Variants in ADGRD1 observed in about 807,000 individuals in gnomAD.
The protein encoded by ADGRD1 is G-protein coupled receptor 133.
A neutral mutation model predicts 113.4 loss-of-function variants in ADGRD1; 77 were observed. The ratio of observed to expected loss-of-function variants is 0.68; its 90% confidence interval spans 0.57 to 0.82. The LOEUF is 0.82. Ranked by LOEUF, ADGRD1 falls within the 40% of genes least tolerant of loss-of-function variation. The pLI, the probability that ADGRD1 is intolerant of heterozygous loss-of-function variation, is 0.00. For synonymous variants in ADGRD1, 474 were observed against 475.0 expected (o/e 1.00, Z 0.03); for missense variants, 1,036 against 1,139.1 (o/e 0.91, Z 1.30).
intron 9 of ADGRD1, chr12:131,002,682 G>C: frequency 8.5e-7 from 1 of 1,176,184 alleles, no homozygotes; most frequent in Non-Finnish European, 1.1e-6. Context: ...TGGAGTAGAA[G>C]GCAAGCTCCT....
chr12:131,085,048 C>T (rs1040188385), intron 15 of ADGRD1, among the ~76,000 whole-genome samples: 3 of 152,248 alleles, frequency 2.0e-5, no homozygotes, highest in East Asian at 3.8e-4. Context: ...AAAAACAACA[C>T]AGTCCTGCTC....
chr12:131,007,448 G>A (rs1270907147), intron 12 of ADGRD1, among the ~76,000 whole-genome samples: 4 of 152,222 alleles, frequency 2.6e-5, no homozygotes, highest in African/African-American at 7.2e-5. Context: ...GGCAGGGATG[G>A]GCAGAGGAGA....
At chr12:130,961,974 C>T (rs981480809) in intron 2 of ADGRD1, among the ~76,000 whole-genome samples, 1 of 152,200 alleles carries the variant, frequency 6.6e-6, no homozygotes, top group African/African-American at 2.4e-5. Context: ...ACGTCGCCTC[C>T]GCCTCTCCTG....
At chr12:131,037,361 G>GGGTCTTACTCACTGCACTA (rs1881607631) in intron 13 of ADGRD1, among the ~76,000 whole-genome samples, 1 of 142,056 alleles carries the variant, frequency 7.0e-6, no homozygotes, top group Non-Finnish European at 1.5e-5. Context: ...TCACTGCACT[G>GGGTCTTACTCACTGCACTA]GGTCTTACTC....
chr12:131,098,324 C>CGGGCTG (rs1949989896), intron 15 of ADGRD1, among the ~76,000 whole-genome samples: 1 of 152,034 alleles, frequency 6.6e-6, no homozygotes, highest in South Asian at 2.1e-4. Context: ...GTCAGAGGCA[C>CGGGCTG]GGGCTGGGGC....
chr12:130,966,028 C>T lies in ADGRD1; in HGVS notation c.104-435C>T, dbSNP rs1396648150. Among the ~76,000 whole-genome samples the T allele has an allele frequency of 1.3e-5, 2 of 152,222 alleles. No homozygotes were observed. Among genetic ancestry groups the T allele is most frequent in the African/African-American group, 4.8e-5 (2 of 41,448 alleles). On this transcript the variant is annotated intron_variant, in intron 2 of 24. Coordinates refer to ENST00000261654, the MANE Select transcript of ADGRD1 (RefSeq NM_198827.5). This position sits in a 1 kb window ranked among gnomAD's most constrained non-coding sequence, Gnocchi z 4.6. ...GGACCTCAGTGTCTGGCATACCATT[C>T]ATGTTAGTTTTCTCCTCTTTTAAAA...
intron 13 of ADGRD1, among the ~76,000 whole-genome samples, chr12:131,045,977 G>C (rs984233593): frequency 6.8e-6 from 1 of 147,720 alleles, no homozygotes; most frequent in Non-Finnish European, 1.5e-5. Context: ...GTCCTCCCTG[G>C]GGAGTGCTCC....
At chr12:131,014,966 C>T (rs1050131251) in intron 13 of ADGRD1, among the ~76,000 whole-genome samples, 3 of 152,228 alleles carry the variant, frequency 2.0e-5, no homozygotes, top group South Asian at 2.1e-4. Context: ...TTAAAAAACG[C>T]GTGCGCTGTT....
At chr12:131,062,827 A>ACT (rs1884444150) in intron 13 of ADGRD1, among the ~76,000 whole-genome samples, 1 of 152,194 alleles carries the variant, frequency 6.6e-6, no homozygotes, top group Non-Finnish European at 1.5e-5. Flanking sequence ...TTAAAAAAAA[A>ACT]TCTTCCAAAC....
chr12:131,011,181 G>GT (rs1181246331), intron 12 of ADGRD1, among the ~76,000 whole-genome samples: 1 of 122,388 alleles, frequency 8.2e-6, no homozygotes, highest in Non-Finnish European at 1.7e-5. Context: ...CCTCACCCCT[G>GT]CCCCACCCTT....
At chr12:131,001,236 C>A (rs1351332604) in intron 9 of ADGRD1, among the ~76,000 whole-genome samples, 1 of 152,154 alleles carries the variant, frequency 6.6e-6, no homozygotes, top group Non-Finnish European at 1.5e-5. Context: ...GTTCTCTTTA[C>A]TCAAAATAGC....
chr12:130,985,620 G>A (rs866451766), intron 5 of ADGRD1, among the ~76,000 whole-genome samples: 31 of 151,242 alleles, frequency 2.0e-4, no homozygotes, highest in African/African-American at 5.6e-4. Flanking sequence ...GGGCGATCTC[G>A]GCTCACTGCA....
chr12:131,084,747 C>T lies in ADGRD1; in HGVS notation c.1671+84C>T. On this transcript the variant is annotated intron_variant, in intron 15 of 24. Transcript: ENST00000261654. This position sits in a 1 kb window ranked among gnomAD's most constrained non-coding sequence, Gnocchi z 4.5. ...GGGGGCGGGAGGATGCTTTGCCCGC[C>T]AGTGCCCACGGGCCCTGGGCACATT... is the stretch of plus-strand genomic sequence containing the variant. The T allele has an allele frequency of 6.8e-7, 1 of 1,467,966 alleles. No individual in the cohort carries two copies. The highest frequency in any genetic ancestry group is 1.9e-5 in the Admixed American group (1 of 53,684). 90.9% of individuals were successfully genotyped at this position (1,467,966 alleles called of 1,614,324 possible).
In ADGRD1 at chr12:131,075,968, G is replaced by A. The variant is rs560754667; in HGVS notation, c.1474-833G>A. Among the ~76,000 whole-genome samples the A allele has an allele frequency of 6.6e-6, 1 of 152,232 alleles. No homozygotes were observed. Among genetic ancestry groups the A allele is most frequent in the East Asian group, 1.9e-4 (1 of 5,168 alleles). ...AGCCATGCCACCTCTGAGCAGCCCT[G>A]GGTCCTGGTGGAGTCGCTGGCCTCC... On this transcript the variant is annotated intron_variant, in intron 13 of 24. Coordinates refer to ENST00000261654, the MANE Select transcript of ADGRD1 (RefSeq NM_198827.5). This position sits in a 1 kb window ranked among gnomAD's most constrained non-coding sequence, Gnocchi z 5.3.
In ADGRD1 at chr12:130,984,762, C is replaced by T. The variant is rs148662645; in HGVS notation, c.491-2333C>T. Among the ~76,000 whole-genome samples the T allele has an allele frequency of 3.1e-3, 465 of 151,820 alleles. 2 individuals are homozygous for T. The highest frequency in any genetic ancestry group is 0.011 in the African/African-American group (438 of 41,408). On this transcript the variant is annotated intron_variant, in intron 5 of 24. Coordinates refer to ENST00000261654, the MANE Select transcript of ADGRD1 (RefSeq NM_198827.5). The surrounding 1 kb of genome is among the most constrained non-coding windows in gnomAD (Gnocchi z 4.1). ...TGTTTTTCTTTCTTTTTTCCTTCCT[C>T]CCTTTCTTCTTCCCCTCCTCTCTCT...
chr12:130,998,012 G>A (rs1305425101), intron 8 of ADGRD1, among the ~76,000 whole-genome samples: 2 of 152,122 alleles, frequency 1.3e-5, no homozygotes, highest in Non-Finnish European at 2.9e-5. Flanking sequence ...GACCAGCCTG[G>A]CCAACACAGC....
At chr12:130,998,240 GAAATT>G (rs1290116216) in intron 8 of ADGRD1, among the ~76,000 whole-genome samples, 1 of 151,956 alleles carries the variant, frequency 6.6e-6, no homozygotes, top group Non-Finnish European at 1.5e-5. Context: ...AATCTTAAAT[GAAATT>G]ATGTGCAGAC....
rs11061313 is a variant in ADGRD1 at position 131,078,137 on chromosome 12, G to C, written c.1547+1263G>C. On this transcript the variant is annotated intron_variant, in intron 14 of 24. Coordinates refer to ENST00000261654, the MANE Select transcript of ADGRD1 (RefSeq NM_198827.5). ...CAGGCTGTGCCACCTCTGCTGGTAT[G>C]GTCCCCGTCAGAGAAAGCGTCTCTG... Among the ~76,000 whole-genome samples, 362 of 152,284 alleles carry C rather than the reference G, an allele frequency of 2.4e-3. 18 individuals are homozygous for C. In the East Asian group the frequency reaches 0.063, roughly 27 times the overall value.
At chr12:131,076,984 T>C in intron 14 of ADGRD1, 110 bp downstream of exon 14, 2 of 918,424 alleles carry the variant, frequency 2.2e-6, no homozygotes, top group Non-Finnish European at 3.6e-6. Flanking sequence ...GCTGACATGG[T>C]TGCGTTATGC....
Sources: gnomAD v4.1 joint callset for allele counts (sites outside exome capture counted in the v4.1 genomes callset) on GRCh38, gnomAD v4.1.1 for gene constraint, Gnocchi (gnomAD v3.1) non-coding constraint, MANE v1.5 for transcripts, NCBI Gene and HGNC (gene_info 2026-07-23, HGNC 2026-07-21) for gene names.